Variants in ADK observed in about 807,000 individuals in gnomAD.
ADK encodes N6,N6-dimethyladenosine kinase.
Under a neutral mutation model 44.7 loss-of-function variants are expected in ADK, and 24 were observed. The observed-to-expected ratio is 0.54, with a 90% CI of 0.39 to 0.76. ADK has a LOEUF of 0.76. Among genes scored for constraint, ADK ranks in the 30% least tolerant of loss-of-function variants. The probability of loss-of-function intolerance (pLI) is 0.00; values close to 1 mark genes in which losing one functional copy is unlikely to be tolerated. For missense variants in ADK, 321 were observed against 425.1 expected, an observed-to-expected ratio of 0.76 and a Z score of 2.15; for synonymous variants, 128 against 142.6, an observed-to-expected ratio of 0.90 and a Z score of 0.73.
intron 5 of ADK, among the ~76,000 whole-genome samples, chr10:74,397,583 GC>G (rs1202235073): frequency 2.6e-5 from 4 of 151,852 alleles, no homozygotes; most frequent in Admixed American, 2.6e-4. Flanking sequence ...TGTTGCCTAG[GC>G]TGGAGTGCAG....
intron 4 of ADK, among the ~76,000 whole-genome samples, chr10:74,331,632 C>A (rs533692252): frequency 5.3e-5 from 8 of 152,130 alleles, no homozygotes; most frequent in Admixed American, 3.3e-4. Context: ...TTACAGGCGC[C>A]TGCCACCACA....
Position 74,663,356 on chromosome 10 carries a change from A to G in ADK, c.878-6827A>G, listed in dbSNP as rs146768694. On this transcript the variant is annotated intron_variant, in intron 9 of 10. Transcript: ENST00000539909. ...TTGGCCTCATAAAAGCAGAGTTTTTATCCTATTCACATCTGTATTCCCAGT... is the reference window on the plus strand; with the variant it reads ...TTGGCCTCATAAAAGCAGAGTTTTTGTCCTATTCACATCTGTATTCCCAGT... 4.8e-3 allele frequency among the ~76,000 whole-genome samples: 728 copies of G among 151,698 alleles called. 3 individuals are homozygous for G. The highest frequency in any genetic ancestry group is 0.015 in the African/African-American group (624 of 41,374).
intron 1 of ADK, among the ~76,000 whole-genome samples, chr10:74,178,448 A>T (rs547732982): frequency 1.3e-5 from 2 of 152,362 alleles, no homozygotes; most frequent in East Asian, 3.8e-4. Flanking sequence ...CCTTCTTCCC[A>T]TTCCCACTCT....
intron 6 of ADK, among the ~76,000 whole-genome samples, chr10:74,485,911 A>G (rs1847249701): frequency 6.6e-6 from 1 of 152,208 alleles, no homozygotes; most frequent in Non-Finnish European, 1.5e-5. Context: ...GTAGGGGTGT[A>G]TATGAGTGTA....
At chr10:74,540,783 A>G (rs966021372) in intron 7 of ADK, among the ~76,000 whole-genome samples, 9 of 152,264 alleles carry the variant, frequency 5.9e-5, no homozygotes, top group Non-Finnish European at 1.0e-4. Flanking sequence ...ATTAAAAATC[A>G]TTTAATGACA....
chr10:74,569,778 T>C (rs1390804134), intron 7 of ADK, among the ~76,000 whole-genome samples: 3 of 152,264 alleles, frequency 2.0e-5, no homozygotes, highest in Non-Finnish European at 2.9e-5. Flanking sequence ...TTTAGCTTAA[T>C]CAGATCCCAT....
At chr10:74,583,129 A>T (rs1851425321) in intron 7 of ADK, among the ~76,000 whole-genome samples, 1 of 152,224 alleles carries the variant, frequency 6.6e-6, no homozygotes. Context: ...GAAGGACAGC[A>T]TGAGAAAATA....
intron 7 of ADK, among the ~76,000 whole-genome samples, chr10:74,574,411 T>C (rs539863179): frequency 6.6e-6 from 1 of 152,144 alleles, no homozygotes; most frequent in South Asian, 2.1e-4. Context: ...CCTCGTGATC[T>C]GCCTGCCTCA....
At chr10:74,310,170 A>T (rs1840386179) in intron 3 of ADK, among the ~76,000 whole-genome samples, 1 of 152,156 alleles carries the variant, frequency 6.6e-6, no homozygotes, top group Admixed American at 6.5e-5. Flanking sequence ...AAGAATGTCA[A>T]CCAAAAGGAG....
intron 1 of ADK, among the ~76,000 whole-genome samples, chr10:74,156,028 A>C (rs916519169): frequency 6.6e-6 from 1 of 152,204 alleles, no homozygotes; most frequent in Admixed American, 6.5e-5. Flanking sequence ...CCCCTAATGC[A>C]CTTAGTATGA....
intron 8 of ADK, among the ~76,000 whole-genome samples, chr10:74,589,681 G>A (rs1851650396): frequency 6.6e-6 from 1 of 152,172 alleles, no homozygotes; most frequent in Non-Finnish European, 1.5e-5. Context: ...CACTGCTAAA[G>A]CAGTGGTGGA....
intron 4 of ADK, among the ~76,000 whole-genome samples, chr10:74,345,995 A>C (rs1471281298): frequency 6.6e-6 from 1 of 152,078 alleles, no homozygotes; most frequent in Non-Finnish European, 1.5e-5. Context: ...CCCAGGTTCA[A>C]ATGATTCTTG....
Position 74,488,843 on chromosome 10 carries a change from T to C in ADK, c.556-36413T>C, listed in dbSNP as rs372363773. ...AGTAGCTAATCTTAGAGGCGCTCTA[T>C]TGAGATTGTCCAGATTCCAACCCTG... On this transcript the variant is annotated intron_variant, in intron 6 of 10. Transcript: ENST00000539909. Among the ~76,000 whole-genome samples the C allele has an allele frequency of 2.2e-4, 34 of 152,002 alleles. 1 individual carries two copies. Among genetic ancestry groups the C allele is most frequent in the Middle Eastern group, 6.8e-3 (2 of 294 alleles).
At chr10:74,369,130 G>T (rs1340932031) in intron 4 of ADK, among the ~76,000 whole-genome samples, 1 of 152,168 alleles carries the variant, frequency 6.6e-6, no homozygotes, top group Non-Finnish European at 1.5e-5. Context: ...GCCAAGGCAG[G>T]TGGATCGCTC....
At chr10:74,708,276 T>C in intron 10 of ADK, 45 bp from the exon 11 acceptor site, 1 of 1,598,158 alleles carries the variant, frequency 6.3e-7, no homozygotes, top group Non-Finnish European at 8.5e-7. Context: ...ACATTTCTGC[T>C]GCTGTTATAC....
intron 6 of ADK, among the ~76,000 whole-genome samples, chr10:74,522,488 G>A (rs180827552): frequency 7.3e-4 from 111 of 152,186 alleles, no homozygotes; most frequent in African/African-American, 2.5e-3. Context: ...TATAGTAGAC[G>A]ATTCTCTCTT....
At chr10:74,659,621 G>T (rs1854622831) in intron 9 of ADK, among the ~76,000 whole-genome samples, 1 of 152,138 alleles carries the variant, frequency 6.6e-6, no homozygotes, top group Non-Finnish European at 1.5e-5. Context: ...ATATAAATGG[G>T]AGTTTATTAA....
chr10:74,453,204 CTAAAA>C (rs997785855), intron 6 of ADK, among the ~76,000 whole-genome samples: 1 of 151,886 alleles, frequency 6.6e-6, no homozygotes, highest in African/African-American at 2.4e-5. Flanking sequence ...TATTGAATTT[CTAAAA>C]TAAAAGTCCA....
chr10:74,465,215 G>A (rs1472811092), intron 6 of ADK, among the ~76,000 whole-genome samples: 2 of 152,048 alleles, frequency 1.3e-5, no homozygotes, highest in African/African-American at 2.4e-5. Flanking sequence ...GCACATATTA[G>A]GGAGAAAAAC....
Sources: gnomAD v4.1 joint callset for allele counts (sites outside exome capture counted in the v4.1 genomes callset) on GRCh38, gnomAD v4.1.1 for gene constraint, MANE v1.5 for transcripts, NCBI Gene and HGNC (gene_info 2026-07-23, HGNC 2026-07-21) for gene names.